Variants in ZSCAN12 observed in about 807,000 individuals in gnomAD.
ZSCAN12 encodes zinc finger and SCAN domain-containing protein 12.
Under a neutral mutation model 23.4 loss-of-function variants are expected in ZSCAN12, and 18 were observed. The ratio of observed to expected loss-of-function variants is 0.77; its 90% CI spans 0.53 to 1.14. The LOEUF (loss-of-function observed/expected upper bound fraction) is 1.14. ZSCAN12 is among the 50% of genes most tolerant of loss of function. The probability of loss-of-function intolerance (pLI) is 0.00; values close to 1 mark genes in which losing one functional copy is unlikely to be tolerated. For missense variants in ZSCAN12, 650 were observed against 735.0 expected (o/e 0.88, Z 1.34); for synonymous variants, 186 against 253.4 (o/e 0.73, Z 2.53).
intron 2 of ZSCAN12, among the ~76,000 whole-genome samples, chr6:28,395,680 A>T (rs1230789439): frequency 6.6e-6 from 1 of 152,214 alleles, no homozygotes; most frequent in Non-Finnish European, 1.5e-5. Flanking sequence ...CCATCTCAGA[A>T]TACAATTCGA....
chr6:28,398,256 T>A lies in ZSCAN12; in HGVS notation c.150A>T (p.Arg50Ser), dbSNP rs754149166. 1 of 1,613,452 alleles carries A rather than the reference T, an allele frequency of 6.2e-7. No homozygotes were observed. The highest frequency in any genetic ancestry group is 8.5e-7 in the Non-Finnish European group (1 of 1,179,682). Residue 50 changes from arginine (R) to serine (S), a missense_variant, in exon 2 of 4, where the codon AGA becomes AGT. Coordinates refer to ENST00000684592, the MANE Select transcript of ZSCAN12 (RefSeq NM_001163391.2). ...CAGATGTCTCCTGGTAGCAGAACTG[T>A]CTGAAGTACTGACGGAAGACCTCTC... Reference protein sequence around the residue: ...HSREVFRQYFRQFCYQETSGP... With the variant: ...HSREVFRQYFSQFCYQETSGP...
At chr6:28,382,726 T>C, downstream of ZSCAN12, 1 of 1,421,002 alleles carries the variant, frequency 7.0e-7, no homozygotes. Flanking sequence ...GGAAGGTAAA[T>C]AAATTAGGAA....
Position 28,398,108 on chromosome 6 carries a change from C to T in ZSCAN12, c.298G>A (p.Glu100Lys). The change falls in exon 2 of 4, where the codon GAG (glutamate) becomes AAG (lysine). Residue 100 changes from glutamate to lysine, a missense_variant. Transcript: ENST00000684592. The part of the protein sequence containing the change: ...VLEQFLTILP[E>K]ELQAWVQEQH... ...TCCTGCACCCAGGCCTGGAGCTCCT[C>T]AGGTAGGATGGTCAGGAACTGCTCC... 6.2e-7 allele frequency: 1 copy of T among 1,614,126 alleles called. No individual in the cohort carries two copies. Among genetic ancestry groups the T allele is most frequent in the Non-Finnish European group, 8.5e-7 (1 of 1,180,006 alleles).
rs571784505 is a variant in ZSCAN12 at position 28,387,061 on chromosome 6, G to A, written c.*3393C>T. 1.2e-4 allele frequency among the ~76,000 whole-genome samples: 19 copies of A among 152,212 alleles called. No individual in the cohort carries two copies. The highest frequency in any genetic ancestry group is 9.2e-4 in the Admixed American group (14 of 15,270). ...AAGATGGTCTCAACCTCCTGACCTCGTGATCCGCCCACCTCGGCCTCCCAA... is the reference window on the plus strand; with the variant it reads ...AAGATGGTCTCAACCTCCTGACCTCATGATCCGCCCACCTCGGCCTCCCAA... On this transcript the variant is annotated 3_prime_UTR_variant, in exon 4 of 4. Transcript: ENST00000684592.
chr6:28,399,331 G>A (rs1761296337), intron 1 of ZSCAN12, among the ~76,000 whole-genome samples: 1 of 152,212 alleles, frequency 6.6e-6, no homozygotes, highest in Non-Finnish European at 1.5e-5. Flanking sequence ...GGAAGGCCCA[G>A]GAAAGGGTCC....
In ZSCAN12 at chr6:28,389,802, A is replaced by G. The variant is rs1345143987; in HGVS notation, c.*652T>C. Among the ~76,000 whole-genome samples the G allele has an allele frequency of 6.6e-6, 1 of 152,158 alleles. No individual in the cohort carries two copies. The highest frequency in any genetic ancestry group is 2.4e-5 in the African/African-American group (1 of 41,434). The stretch of plus-strand genomic sequence containing the variant: ...AATGGAGAATGCTTTTGATTTACCA[A>G]GGTATTTTAGGAATTGAGAAAAGTG... On this transcript the variant is annotated 3_prime_UTR_variant, in exon 4 of 4. Coordinates refer to ENST00000684592, the MANE Select transcript of ZSCAN12 (RefSeq NM_001163391.2).
chr6:28,387,160 C>T lies in ZSCAN12; in HGVS notation c.*3294G>A, dbSNP rs1760591117. ...TTTTTAAACAAGTATGAACTGTACC[C>T]TCCTATAATAGGCATATTCCATTGT... On this transcript the variant is annotated 3_prime_UTR_variant, in exon 4 of 4. Transcript: ENST00000684592. Among the ~76,000 whole-genome samples, 1 of 152,178 alleles carries T rather than the reference C, an allele frequency of 6.6e-6. No homozygotes were observed.
chr6:28,390,767 T>C lies in ZSCAN12; in HGVS notation c.1523A>G (p.Gln508Arg), dbSNP rs746817626. 2 of 1,606,890 alleles carry C rather than the reference T, an allele frequency of 1.2e-6. No homozygotes were observed. Among genetic ancestry groups the C allele is most frequent in the Admixed American group, 1.7e-5 (1 of 58,680 alleles). ...CTGATGTTCCGTGAGGACTGATCTTTGAGTAAACGCCTTCCCACACTTATC... is the reference window on the plus strand; with the variant it reads ...CTGATGTTCCGTGAGGACTGATCTTCGAGTAAACGCCTTCCCACACTTATC... ...KCDKCGKAFT[Q>R]RSVLTEHQRI... The change falls in exon 4 of 4, where the codon CAA becomes CGA. Residue 508 changes from glutamine (Q) to arginine (R), a missense_variant. By Grantham distance (43) the Gln-to-Arg change is conservative. Transcript: ENST00000684592.
At chr6:28,393,815 C>G (rs1760983034) in intron 2 of ZSCAN12, among the ~76,000 whole-genome samples, 1 of 151,772 alleles carries the variant, frequency 6.6e-6, no homozygotes, top group Non-Finnish European at 1.5e-5. Context: ...GAAATCTCTT[C>G]CATATTCATT....
At chr6:28,393,200 G>A (rs560016588) in intron 2 of ZSCAN12, among the ~76,000 whole-genome samples, 154 bp from the exon 3 acceptor site, 1 of 152,070 alleles carries the variant, frequency 6.6e-6, no homozygotes, top group African/African-American at 2.4e-5. Context: ...TATAAATGTC[G>A]CCTCCTCTGG....
chr6:28,390,825 G>A lies in ZSCAN12; in HGVS notation c.1465C>T (p.Arg489Ter), dbSNP rs762566182. 6.3e-6 allele frequency: 10 copies of A among 1,596,276 alleles called. No individual in the cohort carries two copies. Among genetic ancestry groups the A allele is most frequent in the South Asian group, 1.1e-5 (1 of 88,728 alleles). Residue 489 changes from arginine (R) to a stop codon, truncating the protein, a stop_gained, in exon 4 of 4, where the codon CGA (arginine) becomes TGA (stop). Coordinates refer to ENST00000684592, the MANE Select transcript of ZSCAN12 (RefSeq NM_001163391.2). LOFTEE classifies it low-confidence loss of function (END_TRUNC). ...TAGGGTCTTTCTCCAGTGTGAATTC[G>A]CTGATGTTCTGTAAGACTTGTCCTT... ...IQRTSLTEHQ[R>*]IHTGERPYKC...
At position 28,391,533 on chromosome 6, in the gene ZSCAN12, C is replaced by T; in HGVS notation, c.757G>A (p.Val253Ile). 6.4e-7 allele frequency: 1 copy of T among 1,552,172 alleles called. No homozygotes were observed. Among genetic ancestry groups the T allele is most frequent in the African/African-American group, 1.4e-5 (1 of 73,152 alleles). ...DKQPTCDENG[V>I]SLTENSDHTE... ...TGGTCAGAGTTCTCAGTCAGGCTTA[C>T]TCCATTTTCATCACAGGTAGGTTGT... is the stretch of plus-strand genomic sequence containing the variant. Residue 253 changes from valine to isoleucine, a missense_variant, in exon 4 of 4, where the codon GTA (valine) becomes ATA (isoleucine). By Grantham distance (29) the Val-to-Ile change is conservative. Coordinates refer to ENST00000684592, the MANE Select transcript of ZSCAN12 (RefSeq NM_001163391.2). The surrounding 1 kb of genome is among the most constrained non-coding windows in gnomAD (Gnocchi z 4.1).
At chr6:28,393,379 G>A (rs1425941515) in intron 2 of ZSCAN12, among the ~76,000 whole-genome samples, 1 of 150,770 alleles carries the variant, frequency 6.6e-6, no homozygotes, top group Admixed American at 6.7e-5. Flanking sequence ...CAGAAAGGAG[G>A]AAATAAGATA....
intron 3 of ZSCAN12, 51 bp downstream of exon 3, chr6:28,392,851 C>T (rs2113985860): frequency 6.5e-7 from 1 of 1,543,916 alleles, no homozygotes; most frequent in Non-Finnish European, 8.7e-7. Context: ...GCCCCAATGT[C>T]CTATGTTACC....
intron 1 of ZSCAN12, among the ~76,000 whole-genome samples, chr6:28,398,884 G>C (rs1761270017): frequency 7.1e-6 from 1 of 141,674 alleles, no homozygotes; most frequent in Admixed American, 7.5e-5. Flanking sequence ...AGTGAGCCGA[G>C]ATCGCGCCAC....
rs754237170 is a variant in ZSCAN12, at chr6:28,398,147, C to G, written c.259G>C (p.Glu87Gln). 28 of 1,613,978 alleles carry G rather than the reference C, an allele frequency of 1.7e-5. No homozygotes were observed. The highest frequency in any genetic ancestry group is 2.4e-5 in the Non-Finnish European group (28 of 1,180,024). Reference protein sequence around the residue: ...PETHTKEQILELLVLEQFLTI... With the variant: ...PETHTKEQILQLLVLEQFLTI... Reference sequence around the variant, plus strand: ...AGGAACTGCTCCAGCACCAGCAGCTCCAGAATCTGTTCTTTGGTGTGGGTC... The same window carrying G: ...AGGAACTGCTCCAGCACCAGCAGCTGCAGAATCTGTTCTTTGGTGTGGGTC... Residue 87 changes from glutamate (E) to glutamine (Q), a missense_variant, in exon 2 of 4, where the codon GAG becomes CAG. Transcript: ENST00000684592.
chr6:28,382,333 C>T (rs1561950525), downstream of ZSCAN12: 8 of 1,250,486 alleles, frequency 6.4e-6, no homozygotes, highest in Non-Finnish European at 8.3e-6. Flanking sequence ...TTTTCCAATG[C>T]TGGCAAACCT....
Position 28,390,007 on chromosome 6 carries a change from T to C in ZSCAN12, c.*447A>G, listed in dbSNP as rs968786219. Among the ~76,000 whole-genome samples the C allele has an allele frequency of 1.3e-5, 2 of 152,222 alleles. No individual in the cohort carries two copies. The highest frequency in any genetic ancestry group is 2.9e-5 in the Non-Finnish European group (2 of 68,044). ...TGCTTCCAAACCACATGCACTCTTA[T>C]GATGGCTTACATTTGTTTTACCCGC... On this transcript the variant is annotated 3_prime_UTR_variant, in exon 4 of 4. Transcript: ENST00000684592.
chr6:28,391,386 A>T lies in ZSCAN12; in HGVS notation c.904T>A (p.Tyr302Asn), dbSNP rs747713304. The T allele has an allele frequency of 1.1e-5, 17 of 1,551,618 alleles. No individual in the cohort carries two copies. The highest frequency in any genetic ancestry group is 2.0e-5 in the Admixed American group (1 of 50,978). ...HQRIHTGDRP[Y>N]KCEECGKAFR... is the part of the protein sequence containing the mutation. ...GCTTTTCCACATTCTTCGCATTTGT[A>T]GGGTCTATCTCCAGTATGGATCCTC... Residue 302 changes from tyrosine (Y) to asparagine (N), a missense_variant, in exon 4 of 4, where the codon TAC (tyrosine) becomes AAC (asparagine). By Grantham distance (143) the Tyr-to-Asn change is moderately radical (BLOSUM62 -2). Coordinates refer to ENST00000684592, the MANE Select transcript of ZSCAN12 (RefSeq NM_001163391.2). The surrounding 1 kb of genome is among the most constrained non-coding windows in gnomAD (Gnocchi z 4.1).
Sources: allele counts gnomAD v4.1 joint callset (sites outside exome capture counted in the v4.1 genomes callset), GRCh38; gene constraint gnomAD v4.1.1; non-coding constraint Gnocchi (gnomAD v3.1); transcripts MANE v1.5; gene names NCBI Gene and HGNC (gene_info 2026-07-23, HGNC 2026-07-21).